The following BAZ2B variants were observed in gnomAD, a reference collection of about 807,000 sequenced individuals.
BAZ2B encodes the protein bromodomain adjacent to zinc finger domain protein 2B.
In BAZ2B, 91 loss-of-function variants were observed where a neutral mutation model predicts 246.0. The ratio of observed to expected loss-of-function variants is 0.37; its 90% CI spans 0.31 to 0.44. The LOEUF is 0.44. BAZ2B is among the 20% of genes least tolerant of loss of function. BAZ2B has a pLI of 1.00. For missense variants in BAZ2B, 2,332 were observed against 2,533.7 expected, an observed-to-expected ratio of 0.92 and a Z score of 1.71; for synonymous variants, 855 against 860.0, an observed-to-expected ratio of 0.99 and a Z score of 0.10.
intron 14 of BAZ2B, among the ~76,000 whole-genome samples, chr2:159,406,757 TTC>T (rs1411456887): frequency 6.6e-6 from 1 of 152,094 alleles, no homozygotes; most frequent in Non-Finnish European, 1.5e-5. Context: ...TTCTTTTTCT[TTC>T]TTTTCTTTTT....
At chr2:159,410,496 C>T (rs935579288) in intron 14 of BAZ2B, among the ~76,000 whole-genome samples, 3 of 152,186 alleles carry the variant, frequency 2.0e-5, no homozygotes, top group African/African-American at 7.2e-5. Context: ...CCCTTGCTCT[C>T]TCTCTCTTCT....
intron 19 of BAZ2B, among the ~76,000 whole-genome samples, chr2:159,396,874 T>C (rs1348541103): frequency 1.3e-5 from 2 of 152,132 alleles, no homozygotes; most frequent in East Asian, 3.9e-4. Flanking sequence ...GCTTGTACAA[T>C]TCAATGTAAA....
chr2:159,558,368 C>T (rs1391181925), intron 1 of BAZ2B, among the ~76,000 whole-genome samples: 1 of 152,036 alleles, frequency 6.6e-6, no homozygotes, highest in African/African-American at 2.4e-5. Flanking sequence ...GCAATTCTCC[C>T]GCCTCAGCCT....
chr2:159,673,644 C>A, the BAZ2B span, among the ~76,000 whole-genome samples: 1 of 151,402 alleles, frequency 6.6e-6, no homozygotes, highest in South Asian at 2.1e-4. Context: ...TGGACACCCA[C>A]AGACTGCACA....
chr2:159,437,195 T>A (rs1302625117), intron 8 of BAZ2B, among the ~76,000 whole-genome samples: 3 of 152,186 alleles, frequency 2.0e-5, no homozygotes, highest in East Asian at 3.8e-4. Flanking sequence ...ACATAATGGT[T>A]TCCTACTCTA....
At chr2:159,609,669 T>C (rs537408216) in intron 1 of BAZ2B, among the ~76,000 whole-genome samples, 1 of 152,292 alleles carries the variant, frequency 6.6e-6, no homozygotes, top group African/African-American at 2.4e-5. Context: ...ACTTGTTTCC[T>C]TCAAAGCTTC....
rs114015967 is a variant in BAZ2B, at chr2:159,541,191, T to A, written c.-3+14632A>T. ...TAACTTCTATAAGCCTCAATTAAAATCGGGTTGTTGATAATTTAAACATAC... is the reference window on the plus strand; with the variant it reads ...TAACTTCTATAAGCCTCAATTAAAAACGGGTTGTTGATAATTTAAACATAC... On this transcript the variant is annotated intron_variant, in intron 2 of 36. Coordinates refer to ENST00000392783, the MANE Select transcript of BAZ2B (RefSeq NM_013450.4). Among the ~76,000 whole-genome samples, 525 of 152,226 alleles carry A rather than the reference T, an allele frequency of 3.4e-3. 5 individuals carry two copies. The highest frequency in any genetic ancestry group is 0.012 in the African/African-American group (496 of 41,540).
intron 1 of BAZ2B, among the ~76,000 whole-genome samples, chr2:159,561,187 G>A (rs945975892): frequency 2.0e-5 from 3 of 152,166 alleles, no homozygotes; most frequent in African/African-American, 7.2e-5. Flanking sequence ...GGTCATGGGG[G>A]TGGATCCCTC....
At chr2:159,491,308 T>C (rs2080425794) in intron 2 of BAZ2B, among the ~76,000 whole-genome samples, 1 of 152,232 alleles carries the variant, frequency 6.6e-6, no homozygotes, top group South Asian at 2.1e-4. Flanking sequence ...GCACTTCTGA[T>C]GTTTAATGGT....
chr2:159,440,304 G>A lies in BAZ2B; in HGVS notation c.697-1092C>T, dbSNP rs1335412848. On this transcript the variant is annotated intron_variant, in intron 6 of 36. Transcript: ENST00000392783. Reference sequence around the variant, plus strand: ...AATAACAATAAATTACAAAAGTTATGATCTTAACAGAAATACATCCTTTTA... The same window carrying A: ...AATAACAATAAATTACAAAAGTTATAATCTTAACAGAAATACATCCTTTTA... 2.0e-5 allele frequency among the ~76,000 whole-genome samples: 3 copies of A among 152,072 alleles called. No homozygotes were observed. The East Asian group carries it at 5.8e-4, about 29-fold the overall frequency.
At chr2:159,530,194 CAG>C (rs2085225975) in intron 2 of BAZ2B, among the ~76,000 whole-genome samples, 1 of 152,202 alleles carries the variant, frequency 6.6e-6, no homozygotes, top group Non-Finnish European at 1.5e-5. Context: ...CCCTCTAAAA[CAG>C]AGTCACTTTC....
At chr2:159,386,187 T>C (rs1217786934) in intron 22 of BAZ2B, among the ~76,000 whole-genome samples, 166 bp downstream of exon 22, 1 of 152,168 alleles carries the variant, frequency 6.6e-6, no homozygotes, top group Non-Finnish European at 1.5e-5. Flanking sequence ...ATAACCAGGT[T>C]TTCTTTGTAT....
At chr2:159,541,441 C>T (rs1004388250) in intron 2 of BAZ2B, among the ~76,000 whole-genome samples, 2 of 151,864 alleles carry the variant, frequency 1.3e-5, no homozygotes, top group Non-Finnish European at 2.9e-5. Flanking sequence ...CCATCCCTGG[C>T]TAATTTTTTG....
In BAZ2B at chr2:159,355,977, C is replaced by T. The variant is rs182110657; in HGVS notation, c.4214-5620G>A. Among the ~76,000 whole-genome samples, 7 of 152,234 alleles carry T rather than the reference C, an allele frequency of 4.6e-5. No individual in the cohort carries two copies. The East Asian group carries it at 5.8e-4, about 13-fold the overall frequency. On this transcript the variant is annotated intron_variant, in intron 27 of 36. Coordinates refer to ENST00000392783, the MANE Select transcript of BAZ2B (RefSeq NM_013450.4). ...TGGCCCAGATACTACGCTTTTCCCA[C>T]GGTCTTTGTAACCCACAGACCAGGA...
intron 1 of BAZ2B, among the ~76,000 whole-genome samples, chr2:159,596,149 T>G (rs1393361205): frequency 1.3e-5 from 2 of 152,216 alleles, no homozygotes; most frequent in African/African-American, 2.4e-5. Context: ...CGGATTCTTG[T>G]GCATTTTGGT....
chr2:159,393,930 T>A (rs112601008), intron 20 of BAZ2B, among the ~76,000 whole-genome samples: 1 of 152,172 alleles, frequency 6.6e-6, no homozygotes. Flanking sequence ...GGAGGGTTCA[T>A]GTCTCTGAGG....
the BAZ2B span, among the ~76,000 whole-genome samples, chr2:159,660,239 T>C: frequency 3.9e-5 from 6 of 152,232 alleles, no homozygotes; most frequent in Admixed American, 3.9e-4. Context: ...TTTTGGCTTA[T>C]TTCACTTAGC....
chr2:159,473,252 T>C (rs181941566), intron 3 of BAZ2B, among the ~76,000 whole-genome samples: 2 of 152,330 alleles, frequency 1.3e-5, no homozygotes, highest in Admixed American at 1.3e-4. Context: ...TCAGAACTTG[T>C]TATTGGTCTA....
At position 159,337,091 on chromosome 2, in the gene BAZ2B, T is replaced by A; in HGVS notation, c.5661-14A>T. ...TCCTCTTCAATTCTGCATTGAAATA[T>A]AGAAAAATTAAGTAGGTCATGTCCA... is the stretch of plus-strand genomic sequence containing the variant. On this transcript the variant is annotated splice_polypyrimidine_tract_variant and intron_variant, in intron 32 of 36. Coordinates refer to ENST00000392783, the MANE Select transcript of BAZ2B (RefSeq NM_013450.4). 1 of 1,603,300 alleles carries A rather than the reference T, an allele frequency of 6.2e-7. No homozygotes were observed. The highest frequency in any genetic ancestry group is 2.2e-5 in the East Asian group (1 of 44,838).
Sources: gnomAD v4.1 joint callset for allele counts (sites outside exome capture counted in the v4.1 genomes callset) on GRCh38, gnomAD v4.1.1 for gene constraint, MANE v1.5 for transcripts, NCBI Gene and HGNC (gene_info 2026-07-23, HGNC 2026-07-21) for gene names.